The following LPL variants were observed in gnomAD, a reference collection of about 807,000 sequenced individuals.
LPL encodes phospholipase A1.
A neutral mutation model predicts 52.2 loss-of-function variants in LPL; 43 were observed. The observed-to-expected ratio is 0.82, with a 90% confidence interval of 0.64 to 1.06. The LOEUF (loss-of-function observed/expected upper bound fraction) is 1.06, where lower values mean the gene tolerates loss of function less well. Among genes scored for constraint, LPL ranks in the 50% least tolerant of loss-of-function variants. LPL has a pLI of 0.00. For synonymous variants in LPL, 244 were observed against 215.6 expected (o/e 1.13, Z -1.15); for missense variants, 639 against 585.3 (o/e 1.09, Z -0.95).
At chr8:19,948,057 GAA>G in intron 1 of LPL, 121 bp from the exon 2 acceptor site, 1 of 1,082,830 alleles carries the variant, frequency 9.2e-7, no homozygotes, top group East Asian at 2.4e-5. Context: ...ATTCGTTTTC[GAA>G]AACACTTCAG....
intron 2 of LPL, chr8:19,948,561 T>G (rs1035429283): frequency 1.8e-6 from 1 of 542,672 alleles, no homozygotes; most frequent in African/African-American, 1.9e-5. Context: ...CTGTACCTGG[T>G]TGGTGCCCTT....
Position 19,939,656 on chromosome 8 carries a change from G to T in LPL, c.88+128G>T. 3 of 960,352 alleles carry T rather than the reference G, an allele frequency of 3.1e-6. No homozygotes were observed. The highest frequency in any genetic ancestry group is 1.6e-5 in the South Asian group (1 of 64,490). The allele number at this position is 960,352 out of a possible 1,614,324, so 59.5% of individuals were successfully genotyped here. ...GCGCCCAGGGACTCTCCCAGCCTGG[G>T]CTCTAGCCCCGAAACGGTCCCCGGA... On this transcript the variant is annotated intron_variant, in intron 1 of 9. Coordinates refer to ENST00000650287, the MANE Select transcript of LPL (RefSeq NM_000237.3). The surrounding 1 kb of genome is among the most constrained non-coding windows in gnomAD (Gnocchi z 4.0).
Position 19,950,194 on chromosome 8 carries a change from G to A in LPL, c.250-1575G>A, listed in dbSNP as rs1299593452. ...TTATCTCAGTGAACTCACTGGCAGG[G>A]TCAGGTGGCCCACCTGGTATAGGCA... On this transcript the variant is annotated intron_variant, in intron 2 of 9. Transcript: ENST00000650287. This position sits in a 1 kb window ranked among gnomAD's most constrained non-coding sequence, Gnocchi z 4.2. Among the ~76,000 whole-genome samples, 1 of 152,206 alleles carries A rather than the reference G, an allele frequency of 6.6e-6. No homozygotes were observed. The highest frequency in any genetic ancestry group is 1.5e-5 in the Non-Finnish European group (1 of 68,038).
chr8:19,959,777 C>CTTTTTTTTTTTTTTTTTTTT lies in LPL; in HGVS notation c.1139+407_1139+426dup, dbSNP rs71205952. ...AGAAGTCCATGACAAAGTGTTAGCT[C>CTTTTTTTTTTTTTTTTTTTT]TTTTTTTTTTTTTTTTTTTTTTTTT... On this transcript the variant is annotated intron_variant, in intron 7 of 9. Coordinates refer to ENST00000650287, the MANE Select transcript of LPL (RefSeq NM_000237.3). Among the ~76,000 whole-genome samples, 15 of 65,132 alleles carry CTTTTTTTTTTTTTTTTTTTT rather than the reference C, an allele frequency of 2.3e-4. 1 individual carries two copies. Among genetic ancestry groups the CTTTTTTTTTTTTTTTTTTTT allele is most frequent in the African/African-American group, 9.9e-4 (15 of 15,152 alleles). The allele number at this position is 65,132 out of a possible 152,430, so 42.7% of individuals were successfully genotyped here. A position where few individuals can be genotyped will look rare whatever the true frequency, so the allele number is the denominator to read the frequency against.
intron 1 of LPL, chr8:19,946,763 A>C (rs539536899): frequency 2.5e-4 from 39 of 157,134 alleles, no homozygotes; most frequent in African/African-American, 9.1e-4. Context: ...ATTTCCCTTT[A>C]ACATAACTTC....
intron 3 of LPL, among the ~76,000 whole-genome samples, chr8:19,952,853 G>A (rs1416809749): frequency 6.6e-6 from 1 of 151,988 alleles, no homozygotes. Context: ...AAGGAATAAT[G>A]GGAAAATATA....
At chr8:19,942,128 G>C (rs1419685915) in intron 1 of LPL, among the ~76,000 whole-genome samples, 1 of 152,190 alleles carries the variant, frequency 6.6e-6, no homozygotes, top group Non-Finnish European at 1.5e-5. Flanking sequence ...CGGGGGAAGA[G>C]CGGCGATGGA....
In LPL at chr8:19,939,522, G is replaced by A; in HGVS notation, c.82G>A (p.Ala28Thr). The change falls in exon 1 of 10, where the codon GCC becomes ACC. Residue 28 changes from alanine to threonine, a missense_variant. Physicochemically the swap from Ala to Thr is moderately conservative, Grantham distance 58. Transcript: ENST00000650287. The surrounding 1 kb of genome is among the most constrained non-coding windows in gnomAD (Gnocchi z 4.0). ...CGCCTCCCGCGGAGGGGTGGCCGCC[G>A]CCGACCGTAAGTTTTGCGCGCAAAC... is the stretch of plus-strand genomic sequence containing the variant. ...LTASRGGVAA[A>T]DQRRDFIDIE... 1 of 1,607,254 alleles carries A rather than the reference G, an allele frequency of 6.2e-7. No individual in the cohort carries two copies. The highest frequency in any genetic ancestry group is 8.5e-7 in the Non-Finnish European group (1 of 1,177,652).
chr8:19,943,132 GCT>G (rs1452971172), intron 1 of LPL, among the ~76,000 whole-genome samples: 3 of 152,172 alleles, frequency 2.0e-5, no homozygotes, highest in Non-Finnish European at 4.4e-5. Context: ...TGGTGTGTGC[GCT>G]CATCTGTATT....
In LPL at chr8:19,961,192, T is replaced by C. The variant is rs1590148068; in HGVS notation, c.1322+109T>C. 9.8e-6 allele frequency: 9 copies of C among 917,162 alleles called. No individual in the cohort carries two copies. In the East Asian group the frequency reaches 2.4e-4, roughly 24 times the overall value. The allele number at this position is 917,162 out of a possible 1,614,324, so 56.8% of individuals were successfully genotyped here. A position where few individuals can be genotyped will look rare whatever the true frequency, so the allele number is the denominator to read the frequency against. On this transcript the variant is annotated intron_variant, in intron 8 of 9. Coordinates refer to ENST00000650287, the MANE Select transcript of LPL (RefSeq NM_000237.3). ...ATTCAGGGAGAGCTTTAGGAAACCT[T>C]GTATTTATTACTGTATGATGTAGAT...
At chr8:19,959,487 G>T in intron 7 of LPL, 107 bp downstream of exon 7, 1 of 1,381,838 alleles carries the variant, frequency 7.2e-7, no homozygotes, top group South Asian at 1.5e-5. Flanking sequence ...CAAGTCTTTA[G>T]TTAAAAAAAT....
chr8:19,948,532 G>A (rs547756713), intron 2 of LPL, 192 bp downstream of exon 2: 60 of 626,058 alleles, frequency 9.6e-5, no homozygotes, highest in Non-Finnish European at 1.5e-4. Flanking sequence ...CCTAGGCAGT[G>A]CCAGCCTTCA....
intron 2 of LPL, among the ~76,000 whole-genome samples, chr8:19,949,829 G>C (rs1388183466): frequency 6.6e-6 from 1 of 152,152 alleles, no homozygotes; most frequent in Non-Finnish European, 1.5e-5. Context: ...ACAGAACTTG[G>C]ATTTTAAAAT....
At chr8:19,956,178 G>GA in intron 6 of LPL, 95 bp downstream of exon 6, 1 of 1,536,194 alleles carries the variant, frequency 6.5e-7, no homozygotes, top group South Asian at 1.1e-5. Context: ...TTGGAACAGA[G>GA]ATGATGACTG....
intron 3 of LPL, among the ~76,000 whole-genome samples, chr8:19,952,987 A>G (rs1010815666): frequency 6.6e-6 from 1 of 152,210 alleles, no homozygotes; most frequent in African/African-American, 2.4e-5. Context: ...GCAAATACAT[A>G]TACATATACA....
At chr8:19,959,713 T>C (rs747700129) in intron 7 of LPL, among the ~76,000 whole-genome samples, 4 of 149,244 alleles carry the variant, frequency 2.7e-5, no homozygotes, top group Non-Finnish European at 5.9e-5. Context: ...AACCACTCTA[T>C]AGATGTACAT....
rs1269695791 is a variant in LPL, at chr8:19,959,464, G to A, written c.1139+84G>A. The stretch of plus-strand genomic sequence containing the variant: ...GGTCTGAGCAGCAGAAGCAGAGAGC[G>A]ATGCCTAGAAAACAAGTCTTTAGTT... On this transcript the variant is annotated intron_variant, in intron 7 of 9. Coordinates refer to ENST00000650287, the MANE Select transcript of LPL (RefSeq NM_000237.3). 3.9e-5 allele frequency: 59 copies of A among 1,519,344 alleles called. No individual in the cohort carries two copies. The East Asian group carries it at 6.4e-4, about 16-fold the overall frequency. The allele number at this position is 1,519,344 out of a possible 1,614,324, so 94.1% of individuals were successfully genotyped here.
In LPL at chr8:19,966,582, T is replaced by C. The variant is rs887178324; in HGVS notation, c.*1272T>C. The C allele has an allele frequency of 2.6e-5, 4 of 152,204 alleles. No homozygotes were observed. Among genetic ancestry groups the C allele is most frequent in the Admixed American group, 6.5e-5 (1 of 15,278 alleles). The allele number at this position is 152,204 out of a possible 1,614,324, so 9.4% of individuals were successfully genotyped here. A position where few individuals can be genotyped will look rare whatever the true frequency, so the allele number is the denominator to read the frequency against. On this transcript the variant is annotated 3_prime_UTR_variant, in exon 10 of 10. Coordinates refer to ENST00000650287, the MANE Select transcript of LPL (RefSeq NM_000237.3). The stretch of plus-strand genomic sequence containing the variant: ...AAGATGTCAAATATCTCAGAGGCTA[T>C]AGCTGGGAACCCGACTGTGAAAGTA...
In LPL at chr8:19,944,832, T is replaced by C. The variant is rs61274012; in HGVS notation, c.89-3348T>C. Among the ~76,000 whole-genome samples the C allele has an allele frequency of 0.01, 1,532 of 152,328 alleles. 30 individuals carry two copies. Among genetic ancestry groups the C allele is most frequent in the African/African-American group, 0.035 (1,454 of 41,566 alleles). On this transcript the variant is annotated intron_variant, in intron 1 of 9. Coordinates refer to ENST00000650287, the MANE Select transcript of LPL (RefSeq NM_000237.3). The surrounding 1 kb of genome is among the most constrained non-coding windows in gnomAD (Gnocchi z 4.2). ...GATTCCATAGTCAGGAAAGGCACAA[T>C]TTATAACTTGCGTGTTACCCAAAAC...
Sources: allele counts gnomAD v4.1 joint callset (sites outside exome capture counted in the v4.1 genomes callset), GRCh38; gene constraint gnomAD v4.1.1; non-coding constraint Gnocchi (gnomAD v3.1); transcripts MANE v1.5; gene names NCBI Gene and HGNC (gene_info 2026-07-23, HGNC 2026-07-21).